PARVB: variants seen among roughly 807,000 people sequenced by gnomAD.
PARVB encodes the protein parvin beta, also known as beta-parvin.
PARVB carries 46 observed loss-of-function variants against 47.0 expected under a neutral mutation model. The observed-to-expected ratio is 0.98, with a 90% CI of 0.77 to 1.25. The LOEUF is 1.25. Ranked by LOEUF, PARVB falls within the 50% of genes most tolerant of loss-of-function variation. The probability of loss-of-function intolerance (pLI) is 0.00; values close to 1 mark genes in which losing one functional copy is unlikely to be tolerated. For synonymous variants in PARVB, 196 were observed against 196.3 expected, an observed-to-expected ratio of 1.00 and a Z score of 0.01; for missense variants, 473 against 471.6, an observed-to-expected ratio of 1.00 and a Z score of -0.03.
intron 1 of PARVB, among the ~76,000 whole-genome samples, chr22:44,063,475 T>C (rs2051458007): frequency 6.6e-6 from 1 of 152,034 alleles, no homozygotes; most frequent in African/African-American, 2.4e-5. Context: ...GATCCACCTG[T>C]CTTGGCCTCC....
intron 1 of PARVB, among the ~76,000 whole-genome samples, chr22:44,066,834 T>TCTCCTCCTC (rs2051546226): frequency 1.5e-5 from 1 of 64,576 alleles, no homozygotes; most frequent in South Asian, 5.6e-4. Flanking sequence ...TCCTCCTCCA[T>TCTCCTCCTC]CTCCTCCTCT....
At chr22:44,131,031 C>CCCCT in intron 4 of PARVB, among the ~76,000 whole-genome samples, 2 of 88,930 alleles carry the variant, frequency 2.2e-5, no homozygotes, top group African/African-American at 4.8e-5. Context: ...TATCTCTCTC[C>CCCCT]CCTTCCTCCC....
intron 1 of PARVB, among the ~76,000 whole-genome samples, chr22:44,079,605 G>T (rs947684066): frequency 2.0e-5 from 3 of 152,170 alleles, no homozygotes; most frequent in African/African-American, 4.8e-5. Context: ...AGAAGCCACC[G>T]GTGGAGAACT....
chr22:44,008,227 G>A (rs918842493), intron 2 of PARVB, among the ~76,000 whole-genome samples: 3 of 151,826 alleles, frequency 2.0e-5, no homozygotes, highest in East Asian at 1.9e-4. Context: ...TAGCACCCCC[G>A]CCCGCCTCCG....
intron 1 of PARVB, among the ~76,000 whole-genome samples, chr22:44,029,603 C>T (rs533657543): frequency 2.2e-4 from 34 of 152,032 alleles, no homozygotes; most frequent in East Asian, 9.7e-4. Flanking sequence ...TGGGGAAACC[C>T]GGTCTCTACT....
chr22:44,072,544 G>A (rs112138915), intron 1 of PARVB, among the ~76,000 whole-genome samples: 62 of 152,212 alleles, frequency 4.1e-4, no homozygotes, highest in African/African-American at 1.3e-3. Flanking sequence ...GGGTTCAAGC[G>A]ATTCTCCTGC....
At chr22:44,052,010 A>G (rs888371339) in intron 1 of PARVB, among the ~76,000 whole-genome samples, 2 of 152,172 alleles carry the variant, frequency 1.3e-5, no homozygotes, top group Non-Finnish European at 2.9e-5. Context: ...TGGAGCCCTC[A>G]GTGAGAGCAC....
intron 8 of PARVB, chr22:44,144,044 A>T (rs1314614706): frequency 1.3e-5 from 2 of 152,302 alleles, no homozygotes; most frequent in African/African-American, 4.8e-5. Context: ...AGCCCCTGTT[A>T]ACCCCTCTCA....
intron 5 of PARVB, 88 bp from the exon 6 acceptor site, chr22:44,132,806 A>G: frequency 1.2e-6 from 1 of 806,068 alleles, no homozygotes; most frequent in East Asian, 2.5e-5. Context: ...TCTCATTTAG[A>G]TGCTGTGTCT....
In PARVB at chr22:44,140,106, C is replaced by G. The variant is rs924579216; in HGVS notation, c.693-18C>G. ...TGAGTGACCCATCTCATGGCTCTCT[C>G]TGTGTTCTTGTTTGCAGGATGATGA... On this transcript the variant is annotated intron_variant, in intron 7 of 12. Transcript: ENST00000338758. The G allele has an allele frequency of 7.0e-7, 1 of 1,423,226 alleles. No homozygotes were observed. Among genetic ancestry groups the G allele is most frequent in the Non-Finnish European group, 9.3e-7 (1 of 1,080,054 alleles). The allele number at this position is 1,423,226 out of a possible 1,614,324, so 88.2% of individuals were successfully genotyped here. A position where few individuals can be genotyped will look rare whatever the true frequency, so the allele number is the denominator to read the frequency against.
chr22:44,023,582 T>C (rs145659882), upstream of PARVB, among the ~76,000 whole-genome samples: 2,576 of 146,142 alleles, frequency 0.018, 104 homozygotes, highest in African/African-American at 0.062. Flanking sequence ...TAAAATAAAA[T>C]AAAATAAAAT....
At chr22:44,148,484 G>A in intron 9 of PARVB, 1 of 163,510 alleles carries the variant, frequency 6.1e-6, no homozygotes, top group South Asian at 1.6e-4. Context: ...AAAGGAACTG[G>A]AGCCCACTGG....
At chr22:44,131,935 G>C (rs754493448) in intron 5 of PARVB, among the ~76,000 whole-genome samples, 33 of 152,180 alleles carry the variant, frequency 2.2e-4, no homozygotes, top group Admixed American at 3.9e-4. Flanking sequence ...AGCAGCCTTG[G>C]GGGGTTCTTG....
upstream of PARVB, among the ~76,000 whole-genome samples, chr22:44,019,316 T>C (rs956583832): frequency 5.3e-5 from 8 of 152,014 alleles, no homozygotes; most frequent in African/African-American, 1.9e-4. Flanking sequence ...GCCTGCCGGG[T>C]TCAGGTGATT....
chr22:44,048,520 C>T (rs8142614), intron 1 of PARVB, among the ~76,000 whole-genome samples: 12,545 of 151,784 alleles, frequency 0.083, 1,031 homozygotes, highest in African/African-American at 0.22. Context: ...TACAGGTGCC[C>T]ACCACCATGC....
intron 9 of PARVB, chr22:44,151,232 A>G: frequency 2.3e-6 from 1 of 438,852 alleles, no homozygotes. Context: ...TCATGCGTGC[A>G]CGGATTGGCA....
chr22:44,163,311 A>G (rs2054093163), intron 11 of PARVB, among the ~76,000 whole-genome samples: 1 of 152,106 alleles, frequency 6.6e-6, no homozygotes, highest in South Asian at 2.1e-4. Context: ...TCTAAAAAAA[A>G]TAATAATAAT....
intron 8 of PARVB, chr22:44,145,904 T>C (rs1484903581): frequency 1.5e-5 from 1 of 65,088 alleles, no homozygotes; most frequent in African/African-American, 5.6e-5. Flanking sequence ...AAAATTTCAC[T>C]TTTTTTTTTT....
At chr22:44,105,652 C>A (rs1337434918) in intron 3 of PARVB, 1 of 152,212 alleles carries the variant, frequency 6.6e-6, no homozygotes, top group Non-Finnish European at 1.5e-5. Context: ...AGCTAAATCC[C>A]CAGGGCTGGA....
Sources: allele counts gnomAD v4.1 joint callset (sites outside exome capture counted in the v4.1 genomes callset), GRCh38; gene constraint gnomAD v4.1.1; transcripts MANE v1.5; gene names NCBI Gene and HGNC (gene_info 2026-07-23, HGNC 2026-07-21).